The following DLGAP2 variants were observed in gnomAD, a reference collection of about 807,000 sequenced individuals.
DLGAP2 encodes the protein DLG associated protein 2.
A neutral mutation model predicts 100.3 loss-of-function variants in DLGAP2; 26 were observed. The observed-to-expected ratio is 0.26, with a 90% CI of 0.19 to 0.36. The LOEUF is 0.36. DLGAP2 is among the 10% of genes least tolerant of loss of function. DLGAP2 has a pLI of 1.00. For synonymous variants in DLGAP2, 886 were observed against 630.1 expected, an observed-to-expected ratio of 1.41 and a Z score of -6.08; for missense variants, 1,858 against 1,453.2, an observed-to-expected ratio of 1.28 and a Z score of -4.53.
intron 3 of DLGAP2, among the ~76,000 whole-genome samples, chr8:1,294,596 A>T (rs1396473230): frequency 6.6e-6 from 1 of 152,236 alleles, no homozygotes; most frequent in African/African-American, 2.4e-5. Context: ...TCAATGTCGA[A>T]TTGGAATTTT....
At chr8:766,813 G>A (rs1277887601) in intron 1 of DLGAP2, among the ~76,000 whole-genome samples, 1 of 152,220 alleles carries the variant, frequency 6.6e-6, no homozygotes, top group East Asian at 1.9e-4. Context: ...TGTCCATCCT[G>A]AGGCTCGGCC....
chr8:768,856 C>A (rs1402977821), intron 1 of DLGAP2, among the ~76,000 whole-genome samples: 1 of 152,168 alleles, frequency 6.6e-6, no homozygotes, highest in Non-Finnish European at 1.5e-5. Context: ...TGGCTACTTA[C>A]ATCATTTCAT....
At chr8:781,377 G>C (rs555624641) in intron 1 of DLGAP2, among the ~76,000 whole-genome samples, 1 of 151,880 alleles carries the variant, frequency 6.6e-6, no homozygotes, top group Non-Finnish European at 1.5e-5. Flanking sequence ...TTCATGGAAG[G>C]GTTAGGAACA....
chr8:1,383,366 G>A lies in DLGAP2; in HGVS notation c.107-118000G>A, dbSNP rs528799687. ...TCATGCCAGATGCTAAAAACATAAA[G>A]GGCAGCAATCCTGAATGAGAAATGC... On this transcript the variant is annotated intron_variant, in intron 3 of 14. Transcript: ENST00000637795. 3.9e-5 allele frequency among the ~76,000 whole-genome samples: 6 copies of A among 152,320 alleles called. 1 individual carries two copies. The East Asian group carries it at 1.2e-3, about 29-fold the overall frequency.
rs553970577 is a variant in DLGAP2, at chr8:1,564,547, A to G, written c.1231-1136A>G. ...TCTCAGCTCTGTGCAAGGCAGATAT[A>G]TAGCAAGTACATGGGCCCAGTTCTG... On this transcript the variant is annotated intron_variant, in intron 5 of 14. Transcript: ENST00000637795. 3.9e-5 allele frequency among the ~76,000 whole-genome samples: 6 copies of G among 152,346 alleles called. 1 individual carries two copies. Among genetic ancestry groups the G allele is most frequent in the African/African-American group, 1.4e-4 (6 of 41,592 alleles).
At chr8:1,221,711 C>T (rs532830601) in intron 2 of DLGAP2, among the ~76,000 whole-genome samples, 5 of 152,320 alleles carry the variant, frequency 3.3e-5, no homozygotes, top group South Asian at 4.1e-4. Flanking sequence ...CTTGCTGTCA[C>T]TCCACCTCTT....
intron 2 of DLGAP2, among the ~76,000 whole-genome samples, chr8:1,179,545 T>G (rs986055260): frequency 6.6e-6 from 1 of 152,280 alleles, no homozygotes; most frequent in South Asian, 2.1e-4. Context: ...TCTCCAAGTT[T>G]CCTTTTACTC....
chr8:1,082,657 G>C (rs1334483446), intron 2 of DLGAP2, among the ~76,000 whole-genome samples: 1 of 152,158 alleles, frequency 6.6e-6, no homozygotes, highest in Non-Finnish European at 1.5e-5. Context: ...AGATGAGAAG[G>C]GCTTATTTGA....
intron 2 of DLGAP2, among the ~76,000 whole-genome samples, chr8:966,047 C>T (rs1006033022): frequency 6.6e-6 from 1 of 152,202 alleles, no homozygotes; most frequent in Non-Finnish European, 1.5e-5. Flanking sequence ...CAAGGACAAG[C>T]GCCATTCTTG....
intron 1 of DLGAP2, among the ~76,000 whole-genome samples, chr8:828,866 T>C (rs940735593): frequency 2.6e-5 from 4 of 152,254 alleles, no homozygotes; most frequent in African/African-American, 4.8e-5. Context: ...TTGGGGTCCC[T>C]GACTTCCCAC....
chr8:1,375,101 C>G (rs1020054139), intron 3 of DLGAP2, among the ~76,000 whole-genome samples: 1 of 146,670 alleles, frequency 6.8e-6, no homozygotes, highest in African/African-American at 2.5e-5. Context: ...AGAACTGAGC[C>G]CCCACCTCCT....
At chr8:1,694,465 G>A (rs368333939) in intron 13 of DLGAP2, among the ~76,000 whole-genome samples, 3 of 152,226 alleles carry the variant, frequency 2.0e-5, no homozygotes, top group Non-Finnish European at 2.9e-5. Context: ...ACCGCGGGGG[G>A]CAGAGCCTCT....
At chr8:998,005 G>A (rs759246985) in intron 2 of DLGAP2, among the ~76,000 whole-genome samples, 1 of 149,974 alleles carries the variant, frequency 6.7e-6, no homozygotes, top group East Asian at 1.9e-4. Context: ...ACACAAACAT[G>A]CATAGACATG....
intron 2 of DLGAP2, among the ~76,000 whole-genome samples, chr8:1,241,668 G>C (rs1367744773): frequency 1.3e-5 from 2 of 151,854 alleles, no homozygotes; most frequent in Non-Finnish European, 2.9e-5. Context: ...GAAATGACTT[G>C]AATTAACTGT....
intron 2 of DLGAP2, among the ~76,000 whole-genome samples, chr8:1,229,896 A>T (rs1448421717): frequency 6.6e-6 from 1 of 152,150 alleles, no homozygotes; most frequent in African/African-American, 2.4e-5. Flanking sequence ...ACCTATGACA[A>T]ACCCACAGCC....
intron 2 of DLGAP2, among the ~76,000 whole-genome samples, chr8:908,573 A>G (rs1798425018): frequency 1.3e-5 from 2 of 152,208 alleles, no homozygotes; most frequent in South Asian, 4.1e-4. Flanking sequence ...GGAGAAAAAG[A>G]AGGTCTAAAA....
intron 6 of DLGAP2, among the ~76,000 whole-genome samples, chr8:1,592,552 C>T (rs999879472): frequency 3.3e-5 from 5 of 152,048 alleles, no homozygotes; most frequent in Non-Finnish European, 5.9e-5. Context: ...CCAACATCCT[C>T]CTAGTCCAGC....
At chr8:990,314 CCCT>C (rs1800626022) in intron 2 of DLGAP2, among the ~76,000 whole-genome samples, 1 of 146,844 alleles carries the variant, frequency 6.8e-6, no homozygotes, top group Non-Finnish European at 1.5e-5. Context: ...GGCCCAGACC[CCCT>C]GCACCCCCAT....
chr8:762,157 A>G (rs1008669701), intron 1 of DLGAP2, among the ~76,000 whole-genome samples: 5 of 152,186 alleles, frequency 3.3e-5, no homozygotes, highest in Admixed American at 3.3e-4. Flanking sequence ...AAAACAAAAC[A>G]TAATCCTAGA....
Sources: allele counts gnomAD v4.1 joint callset (sites outside exome capture counted in the v4.1 genomes callset), GRCh38; gene constraint gnomAD v4.1.1; transcripts MANE v1.5; gene names NCBI Gene and HGNC (gene_info 2026-07-23, HGNC 2026-07-21).